Variants in GPC5 observed in about 807,000 individuals in gnomAD.
The protein encoded by GPC5 is glypican 5.
Under a neutral mutation model 53.9 loss-of-function variants are expected in GPC5, and 47 were observed. The ratio of observed to expected loss-of-function variants is 0.87; its 90% CI spans 0.69 to 1.11. The LOEUF (loss-of-function observed/expected upper bound fraction) is 1.11, where lower values mean the gene tolerates loss of function less well. Among genes scored for constraint, GPC5 ranks in the 50% most tolerant of loss-of-function variants. The pLI, the probability that GPC5 is intolerant of heterozygous loss-of-function variation, is 0.00. For synonymous variants in GPC5, 286 were observed against 263.3 expected (o/e 1.09, Z -0.84); for missense variants, 748 against 713.1 (o/e 1.05, Z -0.56).
intron 3 of GPC5, among the ~76,000 whole-genome samples, chr13:91,709,525 T>C (rs1023867124): frequency 1.3e-5 from 2 of 152,186 alleles, no homozygotes; most frequent in Admixed American, 6.5e-5. Context: ...AGCACCTTTA[T>C]CTAGCTAATG....
intron 2 of GPC5, among the ~76,000 whole-genome samples, chr13:91,654,506 G>A (rs992785457): frequency 2.0e-5 from 3 of 151,998 alleles, no homozygotes; most frequent in Non-Finnish European, 2.9e-5. Context: ...ACTGAACACA[G>A]TATATTTATA....
chr13:92,407,709 T>C (rs889364073), intron 7 of GPC5, among the ~76,000 whole-genome samples: 4 of 152,082 alleles, frequency 2.6e-5, no homozygotes, highest in Admixed American at 1.3e-4. Context: ...CAAATTACTC[T>C]CAAACAAAAT....
intron 7 of GPC5, among the ~76,000 whole-genome samples, chr13:92,330,147 G>A (rs2043279033): frequency 6.6e-6 from 1 of 152,148 alleles, no homozygotes; most frequent in Admixed American, 6.5e-5. Flanking sequence ...AAGAGAATGT[G>A]TTTAGCGATA....
At chr13:92,055,868 ATAT>A (rs1330091895) in intron 6 of GPC5, among the ~76,000 whole-genome samples, 8 of 152,200 alleles carry the variant, frequency 5.3e-5, no homozygotes, top group African/African-American at 1.7e-4. Context: ...ACTTCAATCA[ATAT>A]TATTACTTTA....
At chr13:91,833,101 G>A (rs2038682153) in intron 5 of GPC5, among the ~76,000 whole-genome samples, 2 of 152,096 alleles carry the variant, frequency 1.3e-5, no homozygotes, top group South Asian at 2.1e-4. Flanking sequence ...TACCATCAGC[G>A]AATACTATAA....
intron 7 of GPC5, among the ~76,000 whole-genome samples, chr13:92,584,206 C>A (rs9589586): frequency 0.037 from 5,571 of 152,084 alleles, 288 homozygotes; most frequent in African/African-American, 0.11. Context: ...CAGAAGAAGA[C>A]AGGAAAATGT....
intron 2 of GPC5, among the ~76,000 whole-genome samples, chr13:91,689,077 A>G (rs2035684543): frequency 6.6e-6 from 1 of 150,508 alleles, no homozygotes; most frequent in South Asian, 2.1e-4. Flanking sequence ...TTGAGGCAGG[A>G]GGGTTGCTTT....
chr13:91,479,478 G>A (rs1047307337), intron 2 of GPC5, among the ~76,000 whole-genome samples: 16 of 152,184 alleles, frequency 1.1e-4, no homozygotes, highest in African/African-American at 3.6e-4. Context: ...TTGGATTTCT[G>A]AGAGTAAGAA....
At chr13:92,483,495 T>A (rs1879433206) in intron 7 of GPC5, among the ~76,000 whole-genome samples, 1 of 152,200 alleles carries the variant, frequency 6.6e-6, no homozygotes, top group African/African-American at 2.4e-5. Context: ...AATGGAGCTT[T>A]CAGGCCACAA....
intron 7 of GPC5, among the ~76,000 whole-genome samples, chr13:92,665,517 G>A (rs1405818845): frequency 6.6e-6 from 1 of 152,082 alleles, no homozygotes; most frequent in Non-Finnish European, 1.5e-5. Flanking sequence ...AAAAGACCTC[G>A]GCCATTATTT....
intron 7 of GPC5, among the ~76,000 whole-genome samples, chr13:92,354,656 C>T (rs1926650): frequency 0.46 from 69,864 of 151,970 alleles, 17,136 homozygotes; most frequent in African/African-American, 0.65. Flanking sequence ...GAGTGCATAA[C>T]ACTGAATGAA....
In GPC5 at chr13:91,597,275, A is replaced by C. The variant is rs2033028494; in HGVS notation, c.326-95912A>C. On this transcript the variant is annotated intron_variant, in intron 2 of 7. Transcript: ENST00000377067. ...AATCTTGGTCAGAAGCAGAAGTCAA[A>C]ATCCTTTTCAGTTTTCGTTAGTATA... Among the ~76,000 whole-genome samples the C allele has an allele frequency of 4.6e-5, 7 of 152,194 alleles. No homozygotes were observed. The South Asian group carries it at 1.4e-3, about 32-fold the overall frequency.
chr13:91,888,936 C>G (rs1452282838), intron 5 of GPC5, among the ~76,000 whole-genome samples: 3 of 152,044 alleles, frequency 2.0e-5, no homozygotes, highest in Non-Finnish European at 4.4e-5. Context: ...TGGAGGGAAA[C>G]AAGAAGGGAG....
At chr13:92,481,201 C>T (rs1042789872) in intron 7 of GPC5, among the ~76,000 whole-genome samples, 8 of 151,792 alleles carry the variant, frequency 5.3e-5, no homozygotes, top group African/African-American at 1.7e-4. Flanking sequence ...CCCAGGTTCA[C>T]GCCATTCTCC....
chr13:91,924,174 T>C (rs904672758), intron 6 of GPC5, among the ~76,000 whole-genome samples: 6 of 152,182 alleles, frequency 3.9e-5, no homozygotes, highest in Admixed American at 6.5e-5. Context: ...TAATTTCCCT[T>C]CTTAAAAATA....
At chr13:91,490,804 C>T (rs758990732) in intron 2 of GPC5, among the ~76,000 whole-genome samples, 1 of 152,144 alleles carries the variant, frequency 6.6e-6, no homozygotes, top group Non-Finnish European at 1.5e-5. Context: ...GCTGCTTCTT[C>T]TTGTTTCTTC....
chr13:92,030,669 C>T (rs1275288839), intron 6 of GPC5, among the ~76,000 whole-genome samples: 1 of 152,164 alleles, frequency 6.6e-6, no homozygotes, highest in Non-Finnish European at 1.5e-5. Context: ...TAGACATTCT[C>T]AGCATTCATA....
intron 7 of GPC5, among the ~76,000 whole-genome samples, chr13:92,505,876 A>G (rs1197765139): frequency 1.3e-5 from 2 of 152,124 alleles, no homozygotes; most frequent in South Asian, 4.1e-4. Flanking sequence ...TACAGCCTCC[A>G]TGTTTCCATG....
chr13:92,372,918 TACAACA>T (rs2043662976), intron 7 of GPC5, among the ~76,000 whole-genome samples: 1 of 152,210 alleles, frequency 6.6e-6, no homozygotes, highest in Admixed American at 6.5e-5. Context: ...ACTCCATTAT[TACAACA>T]TGTTGTCTGC....
Sources: gnomAD v4.1 joint callset for allele counts (sites outside exome capture counted in the v4.1 genomes callset) on GRCh38, gnomAD v4.1.1 for gene constraint, MANE v1.5 for transcripts, NCBI Gene and HGNC (gene_info 2026-07-23, HGNC 2026-07-21) for gene names.